The following FGL1 variants were observed in gnomAD, a reference collection of about 807,000 sequenced individuals.
FGL1 encodes fibrinogen-like protein 1.
In FGL1, 59 loss-of-function variants were observed where a neutral mutation model predicts 43.7. The ratio of observed to expected loss-of-function variants is 1.35; its 90% CI spans 1.10 to 1.68. The LOEUF is 1.68. Among genes scored for constraint, FGL1 ranks in the 40% most tolerant of loss-of-function variants. The pLI is 0.00. For synonymous variants in FGL1, 192 were observed against 126.5 expected (o/e 1.52, Z -3.48); for missense variants, 596 against 373.0 (o/e 1.60, Z -4.92).
In FGL1 at chr8:17,874,067, C is replaced by T; in HGVS notation, c.454G>A (p.Gly152Ser). Reference sequence around the variant, plus strand: ...TTTTTATTGCCCAGCCAATATTCACCATGTTTTTGGACAAAATTTCCAAAG... The same window carrying T: ...TTTTTATTGCCCAGCCAATATTCACTATGTTTTTGGACAAAATTTCCAAAG... ...NGFGNFVQKH[G>S]EYWLGNKNLH... Residue 152 changes from glycine (G) to serine (S), a missense_variant, in exon 5 of 8, where the codon GGT becomes AGT. Transcript: ENST00000427924. 1 of 1,611,168 alleles carries T rather than the reference C, an allele frequency of 6.2e-7. No individual in the cohort carries two copies. Among genetic ancestry groups the T allele is most frequent in the Non-Finnish European group, 8.5e-7 (1 of 1,179,184 alleles).
At chr8:17,876,143 C>T (rs917124383) in intron 3 of FGL1, among the ~76,000 whole-genome samples, 3 of 152,300 alleles carry the variant, frequency 2.0e-5, no homozygotes, top group South Asian at 4.1e-4. Context: ...TCAACTTTCA[C>T]TTTTACCCTT....
rs961355508 is a variant in FGL1, at chr8:17,894,703, C to T, written c.-18+744G>A. ...CCATCTCAAAAAACCAACAAACAAACGACAACAACAAAAAACGCCTAGAGC... is the reference window on the plus strand; with the variant it reads ...CCATCTCAAAAAACCAACAAACAAATGACAACAACAAAAAACGCCTAGAGC... On this transcript the variant is annotated intron_variant, in intron 1 of 7. Transcript: ENST00000427924. Among the ~76,000 whole-genome samples, 32 of 146,248 alleles carry T rather than the reference C, an allele frequency of 2.2e-4. 5 individuals carry two copies. The highest frequency in any genetic ancestry group is 4.2e-4 in the South Asian group (2 of 4,708).
chr8:17,893,773 G>C (rs1436878308), intron 1 of FGL1, among the ~76,000 whole-genome samples: 1 of 147,014 alleles, frequency 6.8e-6, no homozygotes, highest in Non-Finnish European at 1.5e-5. Context: ...GAAATGCTAA[G>C]CATTAAGAAA....
chr8:17,893,454 TA>T (rs2053734870), intron 1 of FGL1, among the ~76,000 whole-genome samples: 1 of 150,270 alleles, frequency 6.7e-6, no homozygotes, highest in African/African-American at 2.4e-5. Context: ...ATAAGGTATA[TA>T]AATATTGCTT....
chr8:17,874,979 T>C (rs1321512513), intron 3 of FGL1, among the ~76,000 whole-genome samples: 2 of 152,036 alleles, frequency 1.3e-5, no homozygotes, highest in Non-Finnish European at 2.9e-5. Context: ...AAACAAGTTA[T>C]GAGTAGTCTG....
At chr8:17,865,630 T>C (rs1162449913) in intron 7 of FGL1, among the ~76,000 whole-genome samples, 1 of 152,228 alleles carries the variant, frequency 6.6e-6, no homozygotes, top group Non-Finnish European at 1.5e-5. Context: ...TTTCCTCCTT[T>C]GGAGTCTGTA....
At chr8:17,887,736 G>A (rs1278945110) in intron 1 of FGL1, among the ~76,000 whole-genome samples, 1 of 151,962 alleles carries the variant, frequency 6.6e-6, no homozygotes, top group Non-Finnish European at 1.5e-5. Context: ...TTGGGAGGCT[G>A]AGGCAGGAGA....
At chr8:17,878,913 A>C (rs979973633) in intron 3 of FGL1, among the ~76,000 whole-genome samples, 23 of 149,048 alleles carry the variant, frequency 1.5e-4, no homozygotes, top group Middle Eastern at 3.6e-3. Context: ...ATATATATAA[A>C]ACACTATACT....
intron 7 of FGL1, among the ~76,000 whole-genome samples, chr8:17,866,355 A>AG (rs34441501): frequency 0.77 from 116,534 of 151,578 alleles, 45,360 homozygotes; most frequent in African/African-American, 0.83. Context: ...ATGTGGAAAA[A>AG]AACATTTTAT....
In FGL1 at chr8:17,895,500, C is replaced by A; in HGVS notation, c.-71G>T. On this transcript the variant is annotated 5_prime_UTR_variant, in exon 1 of 8. Transcript: ENST00000427924. ...GCTCAGGTTCCATCCAGACACTCTGCTTCCCAGGATCCTGTAACTGCATTG... is the reference window on the plus strand; with the variant it reads ...GCTCAGGTTCCATCCAGACACTCTGATTCCCAGGATCCTGTAACTGCATTG... 3.1e-6 allele frequency: 4 copies of A among 1,286,642 alleles called. No homozygotes were observed. In the Middle Eastern group the frequency reaches 6.4e-4, roughly 206 times the overall value. The allele number at this position is 1,286,642 out of a possible 1,614,324, so 79.7% of individuals were successfully genotyped here.
chr8:17,885,620 A>T (rs776540301), intron 1 of FGL1, 49 bp from the exon 2 acceptor site: 74 of 1,528,444 alleles, frequency 4.8e-5, no homozygotes, highest in Admixed American at 6.9e-5. Context: ...TGAATTTTTC[A>T]TGAGACCAGA....
At chr8:17,875,547 T>TCTCTCTCTCTCTCTCTCTCTCTCTC (rs1563452433) in intron 3 of FGL1, among the ~76,000 whole-genome samples, 1 of 16,244 alleles carries the variant, frequency 6.2e-5, no homozygotes, top group Admixed American at 5.2e-4. Flanking sequence ...CTTTCTTTCT[T>TCTCTCTCTCTCTCTCTCTCTCTCTC]TCTTTCTTTC....
chr8:17,867,162 CT>C (rs1291692655), intron 7 of FGL1, among the ~76,000 whole-genome samples: 3 of 152,166 alleles, frequency 2.0e-5, no homozygotes, highest in African/African-American at 7.2e-5. Flanking sequence ...TCTAAGACCC[CT>C]AGTGGATGCC....
At chr8:17,895,005 C>G (rs2053754742) in intron 1 of FGL1, among the ~76,000 whole-genome samples, 1 of 151,236 alleles carries the variant, frequency 6.6e-6, no homozygotes, top group Non-Finnish European at 1.5e-5. Flanking sequence ...GCCTCTGTCT[C>G]TTGATGTCCT....
Position 17,864,452 on chromosome 8 carries a change from G to A in FGL1, c.*140C>T, listed in dbSNP as rs2053238170. ...ATCTGCTGTACTGAAAGCACATTAA[G>A]TAACAAAGGCAAGTGAGAAGAATGA... is the stretch of plus-strand genomic sequence containing the variant. On this transcript the variant is annotated 3_prime_UTR_variant, in exon 8 of 8. Transcript: ENST00000427924. 1 of 850,506 alleles carries A rather than the reference G, an allele frequency of 1.2e-6. No individual in the cohort carries two copies. 52.7% of individuals were successfully genotyped at this position (850,506 alleles called of 1,614,324 possible).
At chr8:17,895,246 TTGTATATC>T (rs1400200487) in intron 1 of FGL1, 193 bp downstream of exon 1, 3 of 945,048 alleles carry the variant, frequency 3.2e-6, no homozygotes, top group Non-Finnish European at 3.9e-6. Flanking sequence ...ATCTGTATAT[TTGTATATC>T]TGTATATCTG....
intron 3 of FGL1, among the ~76,000 whole-genome samples, chr8:17,875,502 T>C (rs564845147): frequency 0.19 from 2,209 of 11,522 alleles, 281 homozygotes; most frequent in African/African-American, 0.31. Flanking sequence ...TTTCTTTCTT[T>C]CTTTCTTTCT....
intron 1 of FGL1, among the ~76,000 whole-genome samples, chr8:17,885,987 T>C (rs954581949): frequency 2.6e-5 from 4 of 152,182 alleles, no homozygotes; most frequent in Admixed American, 2.6e-4. Flanking sequence ...CTCCTGGGCT[T>C]GAGTGATCCT....
chr8:17,884,495 T>C (rs2053599509), intron 2 of FGL1, among the ~76,000 whole-genome samples: 1 of 151,956 alleles, frequency 6.6e-6, no homozygotes, highest in Non-Finnish European at 1.5e-5. Context: ...GCACCAGGCC[T>C]CTCTAGGATT....
Sources: gnomAD v4.1 joint callset for allele counts (sites outside exome capture counted in the v4.1 genomes callset) on GRCh38, gnomAD v4.1.1 for gene constraint, MANE v1.5 for transcripts, NCBI Gene and HGNC (gene_info 2026-07-23, HGNC 2026-07-21) for gene names.